The following ZNF345 variants were observed in gnomAD, a reference collection of about 807,000 sequenced individuals.
ZNF345 encodes the protein zinc finger protein HZF10.
For missense variants in ZNF345, 527 were observed against 589.9 expected (o/e 0.89, Z 1.10); for synonymous variants, 166 against 187.9 (o/e 0.88, Z 0.95).
chr19:36,871,018 A>G (rs1292394974), intron 2 of ZNF345, among the ~76,000 whole-genome samples: 1 of 152,244 alleles, frequency 6.6e-6, no homozygotes, highest in Non-Finnish European at 1.5e-5. Context: ...GTAACAAAGT[A>G]CCATAAACTA....
chr19:36,852,051 A>ACCTCCC (rs962944089), intron 2 of ZNF345, 147 bp downstream of exon 2: 2 of 142,182 alleles, frequency 1.4e-5, no homozygotes, highest in African/African-American at 5.3e-5. Flanking sequence ...TTCAAACCCC[A>ACCTCCC]CCTCCCACAC....
At chr19:36,869,732 T>A (rs2072735050) in intron 2 of ZNF345, among the ~76,000 whole-genome samples, 1 of 152,030 alleles carries the variant, frequency 6.6e-6, no homozygotes, top group South Asian at 2.1e-4. Flanking sequence ...TTCTTATTTA[T>A]TTAGTGGTTT....
intron 2 of ZNF345, among the ~76,000 whole-genome samples, chr19:36,866,902 C>A (rs1229132177): frequency 6.6e-6 from 1 of 152,134 alleles, no homozygotes; most frequent in Admixed American, 6.5e-5. Context: ...TATTTAATAA[C>A]CTTTATGACT....
rs892756529 is a variant in ZNF345 at position 36,878,796 on chromosome 19, T to C, written c.*499T>C. 2 of 167,268 alleles carry C rather than the reference T, an allele frequency of 1.2e-5. No individual in the cohort carries two copies. Among genetic ancestry groups the C allele is most frequent in the African/African-American group, 4.8e-5 (2 of 41,454 alleles). 10.4% of individuals were successfully genotyped at this position (167,268 alleles called of 1,614,324 possible). ...TATTTGATGGTAAGTTACATTTTTA[T>C]TCACATAAAGCTTGGATATCAGGTC... On this transcript the variant is annotated 3_prime_UTR_variant, in exon 3 of 3. Transcript: ENST00000420450.
chr19:36,852,733 A>G (rs1600684046), intron 2 of ZNF345, among the ~76,000 whole-genome samples: 2 of 152,150 alleles, frequency 1.3e-5, no homozygotes, highest in African/African-American at 4.8e-5. Flanking sequence ...TTAGCTCCAC[A>G]TCCATGCTAG....
chr19:36,874,131 G>T (rs1438535077), intron 2 of ZNF345, among the ~76,000 whole-genome samples: 3 of 152,170 alleles, frequency 2.0e-5, no homozygotes, highest in African/African-American at 7.2e-5. Flanking sequence ...GTAACTATGT[G>T]TGGGCTTTCC....
intron 3 of ZNF345, among the ~76,000 whole-genome samples, chr19:36,887,241 G>A (rs112479523): frequency 0.015 from 2,266 of 152,098 alleles, 17 homozygotes; most frequent in African/African-American, 0.029. Context: ...ACAGCCAACA[G>A]TAACCTAAGG....
chr19:36,868,249 G>T (rs1056241133), intron 2 of ZNF345, among the ~76,000 whole-genome samples: 1 of 152,158 alleles, frequency 6.6e-6, no homozygotes, highest in South Asian at 2.1e-4. Flanking sequence ...TGATCCACCC[G>T]CCTTGGCCTC....
intron 2 of ZNF345, among the ~76,000 whole-genome samples, chr19:36,857,011 G>T (rs937143190): frequency 1.8e-4 from 27 of 152,040 alleles, no homozygotes; most frequent in African/African-American, 5.8e-4. Flanking sequence ...CAAATACTTA[G>T]AATTCTTTTT....
intron 2 of ZNF345, among the ~76,000 whole-genome samples, chr19:36,870,604 A>G (rs991345563): frequency 6.6e-6 from 1 of 152,182 alleles, no homozygotes; most frequent in African/African-American, 2.4e-5. Context: ...ATTCTTTGGC[A>G]GGGCATGGAA....
Position 36,878,544 on chromosome 19 carries a change from T to C in ZNF345, c.*247T>C, listed in dbSNP as rs1220495197. On this transcript the variant is annotated 3_prime_UTR_variant, in exon 3 of 3. Coordinates refer to ENST00000420450, the MANE Select transcript of ZNF345 (RefSeq NM_001242472.2). The stretch of plus-strand genomic sequence containing the variant: ...GTGAATGTTAAAAATGAAAAAAAAA[T>C]CATTTATTATATTTTGCCTCAACTT... 11 of 329,760 alleles carry C rather than the reference T, an allele frequency of 3.3e-5. No homozygotes were observed. The Admixed American group carries it at 3.6e-4, about 11-fold the overall frequency. 20.4% of individuals were successfully genotyped at this position (329,760 alleles called of 1,614,324 possible).
chr19:36,854,607 A>G (rs1397578358), intron 2 of ZNF345: 1 of 152,142 alleles, frequency 6.6e-6, no homozygotes, highest in Admixed American at 6.6e-5. Context: ...AAGGTTCTTT[A>G]TATACGGTAT....
intron 3 of ZNF345, chr19:36,892,256 A>T: frequency 6.2e-7 from 1 of 1,613,960 alleles, no homozygotes; most frequent in Non-Finnish European, 8.5e-7. Context: ...TTTTCACCAA[A>T]ATGAATTCTC....
Position 36,877,865 on chromosome 19 carries a change from G to C in ZNF345, c.1035G>C (p.Lys345Asn), listed in dbSNP as rs1184831558. The change falls in exon 3 of 3, where the codon AAG (lysine) becomes AAC (asparagine). Residue 345 changes from lysine (K) to asparagine (N), a missense_variant. By Grantham distance (94) the Lys-to-Asn change is moderately conservative (BLOSUM62 0). Coordinates refer to ENST00000420450, the MANE Select transcript of ZNF345 (RefSeq NM_001242472.2). ...MHTGEKPYEC[K>N]ECGKTFSSGS... ...CTGGAGAGAAACCTTATGAATGTAAGGAATGTGGGAAGACCTTTAGTAGTG... is the reference window on the plus strand; with the variant it reads ...CTGGAGAGAAACCTTATGAATGTAACGAATGTGGGAAGACCTTTAGTAGTG... 6.2e-7 allele frequency: 1 copy of C among 1,612,760 alleles called. No homozygotes were observed. The highest frequency in any genetic ancestry group is 8.5e-7 in the Non-Finnish European group (1 of 1,179,706).
rs35747733 is a variant in ZNF345, at chr19:36,852,128, C to CTTT, written c.-47+241_-47+243dup. On this transcript the variant is annotated intron_variant, in intron 2 of 2. Transcript: ENST00000420450. ...CTTTTTCTTTTTTTTTTCTTTCTTT[C>CTTT]TTTTTTTTTTTTTTTTTTTGAGACA... Among the ~76,000 whole-genome samples, 115 of 102,670 alleles carry CTTT rather than the reference C, an allele frequency of 1.1e-3. 2 individuals are homozygous for CTTT. The highest frequency in any genetic ancestry group is 3.3e-3 in the African/African-American group (85 of 25,458). 67.4% of individuals were successfully genotyped at this position (102,670 alleles called of 152,430 possible).
At chr19:36,888,291 A>G (rs980124962) in intron 3 of ZNF345, 4 of 152,088 alleles carry the variant, frequency 2.6e-5, no homozygotes, top group African/African-American at 9.7e-5. Flanking sequence ...TCCAGGGAAG[A>G]TGTTTCCTGT....
At chr19:36,870,548 G>T (rs2072751362) in intron 2 of ZNF345, among the ~76,000 whole-genome samples, 1 of 152,144 alleles carries the variant, frequency 6.6e-6, no homozygotes, top group African/African-American at 2.4e-5. Flanking sequence ...GGATGAATGA[G>T]AATTAAATTT....
At chr19:36,882,339 C>T (rs903563839), downstream of ZNF345, among the ~76,000 whole-genome samples, 1 of 152,060 alleles carries the variant, frequency 6.6e-6, no homozygotes, top group African/African-American at 2.4e-5. Context: ...GTGATCTCGG[C>T]TCACTGCAAC....
chr19:36,886,886 C>G (rs1271783788), intron 3 of ZNF345, among the ~76,000 whole-genome samples: 2 of 149,978 alleles, frequency 1.3e-5, no homozygotes, highest in Non-Finnish European at 3.0e-5. Flanking sequence ...CCCAGCTACT[C>G]GGGAGGCTGA....
Sources: gnomAD v4.1 joint callset for allele counts (sites outside exome capture counted in the v4.1 genomes callset) on GRCh38, gnomAD v4.1.1 for gene constraint, MANE v1.5 for transcripts, NCBI Gene and HGNC (gene_info 2026-07-23, HGNC 2026-07-21) for gene names.